Variants in RACGAP1 observed in about 807,000 individuals in gnomAD.
RACGAP1 encodes Rac GTPase activating protein 1.
A neutral mutation model predicts 78.1 loss-of-function variants in RACGAP1; 30 were observed. That is an observed-to-expected ratio of 0.38 (90% CI 0.29 to 0.52). RACGAP1 has a LOEUF of 0.52. Ranked by LOEUF, RACGAP1 falls within the 20% of genes least tolerant of loss-of-function variation. The pLI is 0.82. For missense variants in RACGAP1, 587 were observed against 777.1 expected, an observed-to-expected ratio of 0.76 and a Z score of 2.91; for synonymous variants, 231 against 264.8, an observed-to-expected ratio of 0.87 and a Z score of 1.24.
chr12:49,994,325 C>T lies in RACGAP1; in HGVS notation c.1145G>A (p.Gly382Asp), dbSNP rs1370810943. The change falls in exon 12 of 17, where the codon GGC (glycine) becomes GAC (aspartate). Residue 382 changes from glycine (G) to aspartate (D), a missense_variant. Gly to Asp is a moderately conservative substitution (Grantham distance 94). Transcript: ENST00000312377. Reference sequence around the variant, plus strand: ...GTCACAGCCAGAGATCCTATACAGGCCTGTCTATTATCAAGATGACATTTT... The same window carrying T: ...GTCACAGCCAGAGATCCTATACAGGTCTGTCTATTATCAAGATGACATTTT... The part of the protein sequence containing the change: ...EIEQRGLTET[G>D]LYRISGCDRT... The T allele has an allele frequency of 1.2e-6, 2 of 1,613,606 alleles. No individual in the cohort carries two copies. The highest frequency in any genetic ancestry group is 1.7e-6 in the Non-Finnish European group (2 of 1,179,938).
intron 4 of RACGAP1, 106 bp from the exon 5 acceptor site, chr12:50,004,410 A>C: frequency 2.3e-5 from 33 of 1,430,170 alleles, no homozygotes; most frequent in East Asian, 1.2e-4. Flanking sequence ...AGTTAATTTC[A>C]TAGCAAAATC....
At chr12:50,007,257 A>AT (rs1431671960) in intron 2 of RACGAP1, among the ~76,000 whole-genome samples, 2 of 152,046 alleles carry the variant, frequency 1.3e-5, no homozygotes, top group Non-Finnish European at 2.9e-5. Context: ...AAAAAAAAAA[A>AT]CAGGAAGAGA....
At chr12:50,015,948 T>C (rs1482663215) in intron 2 of RACGAP1, among the ~76,000 whole-genome samples, 4 of 147,890 alleles carry the variant, frequency 2.7e-5, no homozygotes, top group Non-Finnish European at 4.5e-5. Context: ...CAACTGAAAA[T>C]GCTTTATAGA....
intron 12 of RACGAP1, among the ~76,000 whole-genome samples, chr12:49,993,138 T>G (rs1948006881): frequency 6.6e-6 from 1 of 152,048 alleles, no homozygotes; most frequent in Non-Finnish European, 1.5e-5. Context: ...TAGAAAGAAA[T>G]GAGAGCTGTT....
chr12:50,004,322 TACA>T lies in RACGAP1; in HGVS notation c.426-21_426-19del, dbSNP rs768391044. The T allele has an allele frequency of 3.2e-6, 5 of 1,580,626 alleles. No homozygotes were observed. Among genetic ancestry groups the T allele is most frequent in the Non-Finnish European group, 3.5e-6 (4 of 1,154,758 alleles). On this transcript the variant is annotated intron_variant, in intron 4 of 16. Coordinates refer to ENST00000312377, the MANE Select transcript of RACGAP1 (RefSeq NM_001319999.2). The stretch of plus-strand genomic sequence containing the variant: ...TTGATAGTCTAGATCAGTGAAACAA[TACA>T]ACGTTAGACATGGTAGACTGTGGAA...
intron 1 of RACGAP1, among the ~76,000 whole-genome samples, chr12:50,022,774 T>C (rs563120124): frequency 1.5e-4 from 23 of 152,284 alleles, no homozygotes; most frequent in Admixed American, 1.4e-3. Flanking sequence ...TTCTAAAGAG[T>C]TGATGAACAA....
chr12:50,022,725 T>C (rs1002743883), intron 1 of RACGAP1, among the ~76,000 whole-genome samples: 1 of 152,240 alleles, frequency 6.6e-6, no homozygotes, highest in Non-Finnish European at 1.5e-5. Flanking sequence ...ATACATTACA[T>C]ATAATTTTGT....
upstream of RACGAP1, among the ~76,000 whole-genome samples, chr12:50,026,154 C>A (rs778218985): frequency 5.9e-5 from 9 of 152,106 alleles, no homozygotes; most frequent in Non-Finnish European, 1.3e-4. Context: ...AAACTCTGGA[C>A]CCACAGTGAG....
At chr12:50,025,662 T>TTC (rs1242443358), upstream of RACGAP1, 1 of 535,512 alleles carries the variant, frequency 1.9e-6, no homozygotes, top group Admixed American at 6.4e-5. Context: ...GTTTTTCGGT[T>TTC]TTTTTTGTTT....
intron 12 of RACGAP1, 48 bp downstream of exon 12, chr12:49,994,083 A>C (rs1340945672): frequency 2.0e-6 from 3 of 1,474,690 alleles, no homozygotes; most frequent in Middle Eastern, 2.5e-4. Context: ...AGTAAGAAAA[A>C]CTACTGCCGT....
chr12:50,005,446 C>A, intron 3 of RACGAP1, 54 bp from the exon 4 acceptor site: 1 of 1,601,136 alleles, frequency 6.2e-7, no homozygotes, highest in Non-Finnish European at 8.5e-7. Context: ...GAAAGCTTCA[C>A]CTCAAGTTTA....
chr12:50,024,493 G>C (rs1471141017), intron 1 of RACGAP1, among the ~76,000 whole-genome samples: 2 of 152,078 alleles, frequency 1.3e-5, no homozygotes, highest in Non-Finnish European at 2.9e-5. Flanking sequence ...AATACACACT[G>C]GAGAATACAA....
At chr12:49,992,435 T>C (rs772894869) in intron 13 of RACGAP1, 58 bp from the exon 14 acceptor site, 38 of 1,590,024 alleles carry the variant, frequency 2.4e-5, no homozygotes, top group Admixed American at 5.2e-5. Context: ...CAGACCAAAA[T>C]ATAAATTCTA....
At chr12:49,997,286 T>C in intron 9 of RACGAP1, 82 bp from the exon 10 acceptor site, 1 of 1,418,464 alleles carries the variant, frequency 7.0e-7, no homozygotes, top group South Asian at 1.6e-5. Flanking sequence ...TTTTTTTTTT[T>C]TTTTTTGAGA....
intron 2 of RACGAP1, among the ~76,000 whole-genome samples, chr12:50,010,009 T>C (rs1187116097): frequency 6.6e-6 from 1 of 152,218 alleles, no homozygotes; most frequent in Non-Finnish European, 1.5e-5. Flanking sequence ...ACCATAATCT[T>C]CTTGAAGACA....
At chr12:49,999,549 G>T in intron 8 of RACGAP1, 67 bp downstream of exon 8, 3 of 1,406,886 alleles carry the variant, frequency 2.1e-6, no homozygotes, top group South Asian at 1.2e-5. Context: ...AGGGTTCTAA[G>T]AAACCAACTC....
intron 2 of RACGAP1, among the ~76,000 whole-genome samples, chr12:50,010,035 A>G (rs1213200207): frequency 3.3e-5 from 5 of 152,244 alleles, no homozygotes; most frequent in African/African-American, 1.2e-4. Context: ...TATGTCATAT[A>G]TACTTCATTA....
At chr12:49,991,559 C>T (rs1216107091) in intron 15 of RACGAP1, among the ~76,000 whole-genome samples, 1 of 136,662 alleles carries the variant, frequency 7.3e-6, no homozygotes, top group African/African-American at 2.8e-5. Context: ...GGGATCTCAG[C>T]TCACTGCAAA....
upstream of RACGAP1, chr12:50,025,669 GT>G (rs3830365): frequency 1.6e-4 from 73 of 448,448 alleles, no homozygotes; most frequent in Non-Finnish European, 1.9e-4. Context: ...GGTTTTTTTT[GT>G]TTTTTTTTGC....
Sources: gnomAD v4.1 joint callset for allele counts (sites outside exome capture counted in the v4.1 genomes callset) on GRCh38, gnomAD v4.1.1 for gene constraint, MANE v1.5 for transcripts, NCBI Gene and HGNC (gene_info 2026-07-23, HGNC 2026-07-21) for gene names.